INPP5F: variants seen among roughly 807,000 people sequenced by gnomAD.
INPP5F encodes inositol polyphosphate-5-phosphatase F.
Under a neutral mutation model 137.2 loss-of-function variants are expected in INPP5F, and 97 were observed. The observed-to-expected ratio is 0.71, with a 90% CI of 0.60 to 0.84. The LOEUF (loss-of-function observed/expected upper bound fraction) is 0.84, where lower values mean the gene tolerates loss of function less well. Among genes scored for constraint, INPP5F ranks in the 40% least tolerant of loss-of-function variants. The pLI, the probability that INPP5F is intolerant of heterozygous loss-of-function variation, is 0.00. For synonymous variants in INPP5F, 504 were observed against 476.9 expected (o/e 1.06, Z -0.74); for missense variants, 1,271 against 1,371.9 (o/e 0.93, Z 1.16).
chr10:119,769,286 T>A (rs1281545061), intron 2 of INPP5F, among the ~76,000 whole-genome samples: 3 of 152,162 alleles, frequency 2.0e-5, no homozygotes, highest in Non-Finnish European at 4.4e-5. Context: ...CGGTTAATTT[T>A]AAAAATTTTA....
At chr10:119,805,305 A>G in intron 10 of INPP5F, 79 bp from the exon 11 acceptor site, 1 of 1,087,568 alleles carries the variant, frequency 9.2e-7, no homozygotes, top group Non-Finnish European at 1.4e-6. Context: ...TCGAAGCTAC[A>G]TTAAATAGCA....
At chr10:119,795,321 C>T (rs1215594537) in intron 6 of INPP5F, among the ~76,000 whole-genome samples, 6 of 150,408 alleles carry the variant, frequency 4.0e-5, no homozygotes, top group South Asian at 4.2e-4. Context: ...ACTTCCCAGA[C>T]GGGGTGGCTG....
In INPP5F at chr10:119,742,916, C is replaced by T. The variant is rs550278851; in HGVS notation, c.98-8160C>T. Among the ~76,000 whole-genome samples, 12 of 152,226 alleles carry T rather than the reference C, an allele frequency of 7.9e-5. 1 individual carries two copies. The highest frequency in any genetic ancestry group is 2.4e-4 in the African/African-American group (10 of 41,546). ...CTAAGGCAAGAGAATTGCTTGAACC[C>T]GGGAGGTGGAGGTTGCCATGAGCCG... On this transcript the variant is annotated intron_variant, in intron 1 of 19. Transcript: ENST00000650623.
At chr10:119,779,363 G>T (rs1849630231) in intron 2 of INPP5F, among the ~76,000 whole-genome samples, 1 of 152,056 alleles carries the variant, frequency 6.6e-6, no homozygotes, top group South Asian at 2.1e-4. Flanking sequence ...CATCATACAT[G>T]TAGGCGACAC....
intron 11 of INPP5F, 100 bp from the exon 12 acceptor site, chr10:119,806,260 A>G: frequency 1.3e-6 from 1 of 775,256 alleles, no homozygotes; most frequent in East Asian, 2.8e-5. Context: ...AGCAAATTAC[A>G]GCCAGTGCTG....
At chr10:119,802,074 G>A (rs902661572) in intron 9 of INPP5F, among the ~76,000 whole-genome samples, 1 of 152,134 alleles carries the variant, frequency 6.6e-6, no homozygotes, top group Non-Finnish European at 1.5e-5. Context: ...GTTCAGGCAC[G>A]GACCTGTGTA....
chr10:119,796,833 C>CT lies in INPP5F; in HGVS notation c.789dup (p.Gln264SerfsTer8). On this transcript the variant is annotated frameshift_variant, in exon 7 of 20. Transcript: ENST00000650623. LOFTEE classifies it high-confidence loss of function. ...GAGAAAAGCAGCCCAGAGACCCCCC[C>CT]TCAGGAGTCCACCTGTGTAGATGAT... 6.2e-7 allele frequency: 1 copy of CT among 1,613,788 alleles called. No homozygotes were observed.
intron 15 of INPP5F, among the ~76,000 whole-genome samples, chr10:119,818,490 C>A (rs956371446): frequency 5.9e-5 from 9 of 152,260 alleles, no homozygotes; most frequent in African/African-American, 1.7e-4. Context: ...CCTCCAGCCG[C>A]AGGCACTGTC....
intron 6 of INPP5F, among the ~76,000 whole-genome samples, chr10:119,794,205 G>A (rs1850245066): frequency 6.6e-6 from 1 of 151,630 alleles, no homozygotes; most frequent in South Asian, 2.1e-4. Context: ...TTGAGATTAG[G>A]GAGTGGTGAT....
intron 14 of INPP5F, among the ~76,000 whole-genome samples, chr10:119,810,450 A>G (rs1850985236): frequency 6.6e-6 from 1 of 152,202 alleles, no homozygotes. Context: ...TTGTCAGTTT[A>G]TTACTCAGGT....
chr10:119,827,434 T>A lies in INPP5F; in HGVS notation c.3053T>A (p.Leu1018His). ...PSRPSQLDVS[L>H]SATGPQFLSV... is the part of the protein sequence containing the mutation. Reference sequence around the variant, plus strand: ...CGGCCATCGCAATTAGATGTCTCTCTTTCTGCAACAGGCCCACAGTTTTTG... The same window carrying A: ...CGGCCATCGCAATTAGATGTCTCTCATTCTGCAACAGGCCCACAGTTTTTG... Residue 1018 changes from leucine to histidine, a missense_variant, in exon 20 of 20, where the codon CTT (leucine) becomes CAT (histidine). Physicochemically the swap from Leu to His is moderately conservative, Grantham distance 99. Coordinates refer to ENST00000650623, the MANE Select transcript of INPP5F (RefSeq NM_014937.4). 6.2e-7 allele frequency: 1 copy of A among 1,614,210 alleles called. No individual in the cohort carries two copies. The highest frequency in any genetic ancestry group is 1.1e-5 in the South Asian group (1 of 91,084).
chr10:119,737,515 C>G (rs1848251218), intron 1 of INPP5F, among the ~76,000 whole-genome samples: 1 of 152,074 alleles, frequency 6.6e-6, no homozygotes, highest in Non-Finnish European at 1.5e-5. Flanking sequence ...TTATAAAGCT[C>G]CTAGATGATG....
At chr10:119,749,139 A>G (rs1848622069) in intron 1 of INPP5F, among the ~76,000 whole-genome samples, 1 of 152,202 alleles carries the variant, frequency 6.6e-6, no homozygotes, top group East Asian at 1.9e-4. Flanking sequence ...GCAGGGAGAG[A>G]GGCCAGGGAG....
chr10:119,764,401 TG>T (rs1231140099), intron 2 of INPP5F, among the ~76,000 whole-genome samples: 1 of 152,092 alleles, frequency 6.6e-6, no homozygotes, highest in Non-Finnish European at 1.5e-5. Flanking sequence ...AAGTTTAAAC[TG>T]TGTGGGTTCA....
intron 1 of INPP5F, among the ~76,000 whole-genome samples, chr10:119,743,099 T>G (rs1472969954): frequency 6.6e-6 from 1 of 152,230 alleles, no homozygotes; most frequent in Non-Finnish European, 1.5e-5. Flanking sequence ...TATGCCAGCT[T>G]TAATGTCTTT....
chr10:119,740,884 G>C (rs1242295431), intron 1 of INPP5F, among the ~76,000 whole-genome samples: 2 of 152,158 alleles, frequency 1.3e-5, no homozygotes, highest in Admixed American at 1.3e-4. Flanking sequence ...CTTAAATTAT[G>C]GAGAGGTTAC....
intron 1 of INPP5F, among the ~76,000 whole-genome samples, chr10:119,728,415 A>G (rs1207426130): frequency 6.6e-6 from 1 of 152,064 alleles, no homozygotes; most frequent in Non-Finnish European, 1.5e-5. Flanking sequence ...CTTTTTCTGT[A>G]TATGGAATCA....
At chr10:119,734,919 G>C (rs924001196) in intron 1 of INPP5F, among the ~76,000 whole-genome samples, 1 of 152,138 alleles carries the variant, frequency 6.6e-6, no homozygotes, top group Admixed American at 6.5e-5. Context: ...TTATGTGTCA[G>C]CTGCCCATAA....
intron 15 of INPP5F, among the ~76,000 whole-genome samples, chr10:119,813,444 T>C (rs1851125834): frequency 6.6e-6 from 1 of 152,026 alleles, no homozygotes. Context: ...TCCAGGAGTT[T>C]GAGACCTCAT....
Sources: gnomAD v4.1 joint callset for allele counts (sites outside exome capture counted in the v4.1 genomes callset) on GRCh38, gnomAD v4.1.1 for gene constraint, MANE v1.5 for transcripts, NCBI Gene and HGNC (gene_info 2026-07-23, HGNC 2026-07-21) for gene names.